Variants in AGTPBP1 observed in about 807,000 individuals in gnomAD.
The protein encoded by AGTPBP1 is cytosolic carboxypeptidase 1.
Under a neutral mutation model 143.9 loss-of-function variants are expected in AGTPBP1, and 70 were observed. The ratio of observed to expected loss-of-function variants is 0.49; its 90% CI spans 0.40 to 0.59. The LOEUF (loss-of-function observed/expected upper bound fraction) is 0.59. AGTPBP1 is among the 20% of genes least tolerant of loss of function. The pLI is 0.00. For missense variants in AGTPBP1, 1,229 were observed against 1,464.5 expected (o/e 0.84, Z 2.62); for synonymous variants, 463 against 500.2 (o/e 0.93, Z 0.99).
chr9:85,606,754 A>T (rs1238910662), intron 17 of AGTPBP1, among the ~76,000 whole-genome samples: 1 of 152,118 alleles, frequency 6.6e-6, no homozygotes, highest in Non-Finnish European at 1.5e-5. Context: ...TTGCAGCAAC[A>T]TGGATGGAAT....
At position 85,633,244 on chromosome 9, in the gene AGTPBP1, T is replaced by A; in HGVS notation, c.1433A>T (p.Lys478Met). 6.2e-7 allele frequency: 1 copy of A among 1,614,112 alleles called. No homozygotes were observed. The highest frequency in any genetic ancestry group is 1.3e-5 in the African/African-American group (1 of 75,054). ...NSGNLRKVVMKENISSKGDEG... is the reference protein window; with the variant it reads ...NSGNLRKVVMMENISSKGDEG... ...ATCTCCTTTAGAAGATATGTTCTCC[T>A]TCATTACAACTTTTCTTAAATTGCC... is the stretch of plus-strand genomic sequence containing the variant. Residue 478 changes from lysine to methionine, a missense_variant, in exon 14 of 26, where the codon AAG becomes ATG. By Grantham distance (95) the Lys-to-Met change is moderately conservative. Around this residue, in one of 2 missense-constraint regions of AGTPBP1, gnomAD observed 743 missense variants for 812.2 expected, o/e 0.91. Coordinates refer to ENST00000357081, the MANE Select transcript of AGTPBP1 (RefSeq NM_001330701.2).
intron 13 of AGTPBP1, among the ~76,000 whole-genome samples, chr9:85,640,353 A>T (rs1393891091): frequency 1.3e-5 from 2 of 152,262 alleles, no homozygotes; most frequent in Non-Finnish European, 2.9e-5. Flanking sequence ...TTTTCTGATT[A>T]TGTAAATAAA....
At chr9:85,792,697 G>A in the AGTPBP1 span, among the ~76,000 whole-genome samples, 1 of 152,152 alleles carries the variant, frequency 6.6e-6, no homozygotes, top group Non-Finnish European at 1.5e-5. Flanking sequence ...AAAGTAATTA[G>A]GAGGGAAATT....
Position 85,668,146 on chromosome 9 carries a change from A to G in AGTPBP1, c.662+1339T>C, listed in dbSNP as rs755572634. 1.2e-3 allele frequency among the ~76,000 whole-genome samples: 190 copies of G among 152,182 alleles called. 3 individuals are homozygous for G. Among genetic ancestry groups the G allele is most frequent in the Non-Finnish European group, 2.3e-3 (156 of 68,028 alleles). On this transcript the variant is annotated intron_variant, in intron 8 of 25. Transcript: ENST00000357081. ...AAAATTAAAATGACAGATTTTTGAT[A>G]GTACAACTGGGTAACAGGTACATCA...
the AGTPBP1 span, among the ~76,000 whole-genome samples, chr9:85,798,704 T>C: frequency 2.6e-5 from 4 of 152,100 alleles, no homozygotes; most frequent in Non-Finnish European, 2.9e-5. Context: ...GTAGGTTCTG[T>C]CTTTCATGTA....
At chr9:85,688,848 A>G (rs1317057739) in intron 3 of AGTPBP1, among the ~76,000 whole-genome samples, 1 of 152,194 alleles carries the variant, frequency 6.6e-6, no homozygotes, top group Non-Finnish European at 1.5e-5. Context: ...TAAATGTCTG[A>G]AACAAAATTA....
intron 8 of AGTPBP1, among the ~76,000 whole-genome samples, chr9:85,668,435 C>T (rs567141461): frequency 6.6e-6 from 1 of 151,528 alleles, no homozygotes; most frequent in African/African-American, 2.4e-5. Flanking sequence ...TGCACTCCAG[C>T]CTAGGCAACA....
chr9:85,622,804 C>T (rs1047324293), intron 14 of AGTPBP1, among the ~76,000 whole-genome samples: 1 of 152,012 alleles, frequency 6.6e-6, no homozygotes, highest in Non-Finnish European at 1.5e-5. Context: ...AACCAGATGG[C>T]CAATAGTGAA....
intron 12 of AGTPBP1, among the ~76,000 whole-genome samples, chr9:85,643,803 A>G (rs1832644956): frequency 6.6e-6 from 1 of 152,206 alleles, no homozygotes; most frequent in Non-Finnish European, 1.5e-5. Flanking sequence ...CAGATTATCT[A>G]CTACCCAAGC....
chr9:85,626,808 G>A (rs1267260015), intron 14 of AGTPBP1, among the ~76,000 whole-genome samples: 1 of 152,128 alleles, frequency 6.6e-6, no homozygotes, highest in Non-Finnish European at 1.5e-5. Flanking sequence ...TTCCAACAAA[G>A]TGTTATTTGT....
At chr9:85,579,880 G>C (rs995804946) in intron 23 of AGTPBP1, among the ~76,000 whole-genome samples, 1 of 150,564 alleles carries the variant, frequency 6.6e-6, no homozygotes, top group African/African-American at 2.4e-5. Context: ...GCTGGATTGA[G>C]AATATAAACT....
chr9:85,666,438 A>G (rs948611752), intron 8 of AGTPBP1, among the ~76,000 whole-genome samples: 15 of 152,182 alleles, frequency 9.9e-5, no homozygotes, highest in African/African-American at 3.6e-4. Context: ...GTTTTTAGTT[A>G]ATTAGAGGAG....
intron 8 of AGTPBP1, among the ~76,000 whole-genome samples, chr9:85,665,972 T>C (rs1834107277): frequency 6.6e-6 from 1 of 152,162 alleles, no homozygotes; most frequent in African/African-American, 2.4e-5. Flanking sequence ...TTTTAAAATG[T>C]TAGATTTATT....
chr9:85,704,664 G>T (rs1836869605), intron 2 of AGTPBP1, among the ~76,000 whole-genome samples: 1 of 152,040 alleles, frequency 6.6e-6, no homozygotes, highest in South Asian at 2.1e-4. Context: ...AATATTTAAG[G>T]AATACAAAAA....
At chr9:85,653,812 A>G (rs1255875388) in intron 11 of AGTPBP1, among the ~76,000 whole-genome samples, 1 of 152,046 alleles carries the variant, frequency 6.6e-6, no homozygotes, top group African/African-American at 2.4e-5. Context: ...TGCCCCTCTT[A>G]CCCAGTTTTC....
At chr9:85,758,420 A>T in the AGTPBP1 span, among the ~76,000 whole-genome samples, 1 of 152,290 alleles carries the variant, frequency 6.6e-6, no homozygotes, top group South Asian at 2.1e-4. Flanking sequence ...CAAGGCGGGC[A>T]GGTCACGGGA....
chr9:85,743,926 CTTTTTTT>C (rs10576766), upstream of AGTPBP1, among the ~76,000 whole-genome samples: 1 of 132,446 alleles, frequency 7.6e-6, no homozygotes, highest in Non-Finnish European at 1.6e-5. Context: ...CTTTTTCTTT[CTTTTTTT>C]TTTTTTTTTG....
intron 1 of AGTPBP1, among the ~76,000 whole-genome samples, chr9:85,727,225 G>A (rs1838557611): frequency 6.6e-6 from 1 of 152,134 alleles, no homozygotes. Flanking sequence ...TACTCGGGAG[G>A]CTGAGGCAGA....
chr9:85,762,829 A>G, the AGTPBP1 span, among the ~76,000 whole-genome samples: 1 of 148,284 alleles, frequency 6.7e-6, no homozygotes, highest in East Asian at 1.9e-4. Flanking sequence ...CTTTATATAT[A>G]TATAAACTTT....
Sources: gnomAD v4.1 joint callset for allele counts (sites outside exome capture counted in the v4.1 genomes callset) on GRCh38, gnomAD v4.1.1 for gene constraint, gnomAD v4.1.1 regional missense constraint, MANE v1.5 for transcripts, NCBI Gene and HGNC (gene_info 2026-07-23, HGNC 2026-07-21) for gene names.